Variants in CTNNA3 observed in about 807,000 individuals in gnomAD.
CTNNA3 encodes the protein catenin alpha-3.
In CTNNA3, 76 loss-of-function variants were observed where a neutral mutation model predicts 95.7. The observed-to-expected ratio is 0.79, with a 90% CI of 0.66 to 0.96. CTNNA3 has a LOEUF of 0.96. Ranked by LOEUF, CTNNA3 falls within the 40% of genes least tolerant of loss-of-function variation. CTNNA3 has a pLI of 0.00. For synonymous variants in CTNNA3, 431 were observed against 374.4 expected (o/e 1.15, Z -1.74); for missense variants, 1,191 against 1,089.8 (o/e 1.09, Z -1.31).
chr10:65,949,119 C>T (rs1277325082), intron 17 of CTNNA3, among the ~76,000 whole-genome samples: 1 of 152,022 alleles, frequency 6.6e-6, no homozygotes, highest in Admixed American at 6.6e-5. Flanking sequence ...CTTGTCTTTT[C>T]TTTCTGGCTG....
intron 7 of CTNNA3, among the ~76,000 whole-genome samples, chr10:67,178,620 A>G (rs1862356531): frequency 6.6e-6 from 1 of 152,114 alleles, no homozygotes; most frequent in Admixed American, 6.6e-5. Flanking sequence ...ATGTATATAT[A>G]TCTGAATTTG....
At chr10:66,958,978 A>G (rs1455973695) in intron 7 of CTNNA3, among the ~76,000 whole-genome samples, 3 of 152,148 alleles carry the variant, frequency 2.0e-5, no homozygotes, top group Non-Finnish European at 4.4e-5. Flanking sequence ...GAGAGAGTGT[A>G]AATGAATTAT....
chr10:66,007,891 C>T (rs573624725), intron 15 of CTNNA3, among the ~76,000 whole-genome samples: 20 of 151,038 alleles, frequency 1.3e-4, no homozygotes, highest in African/African-American at 4.9e-4. Flanking sequence ...GGAAGGTGTG[C>T]GTGCTGTGCT....
At chr10:66,327,437 C>T (rs1051249981) in intron 12 of CTNNA3, among the ~76,000 whole-genome samples, 1 of 151,956 alleles carries the variant, frequency 6.6e-6, no homozygotes, top group Admixed American at 6.6e-5. Flanking sequence ...CCTGAGATTG[C>T]AATTGTTTAT....
At chr10:66,935,277 A>G (rs1166110377) in intron 7 of CTNNA3, among the ~76,000 whole-genome samples, 1 of 152,098 alleles carries the variant, frequency 6.6e-6, no homozygotes, top group African/African-American at 2.4e-5. Context: ...AATGTGTGAC[A>G]AGATTACAAC....
chr10:67,719,320 G>C (rs1841164203), intron 1 of CTNNA3, among the ~76,000 whole-genome samples: 2 of 151,654 alleles, frequency 1.3e-5, no homozygotes, highest in Admixed American at 1.3e-4. Flanking sequence ...TCTGATCTTA[G>C]TTATTTCTTG....
At chr10:66,486,848 A>AC (rs1839745486) in intron 11 of CTNNA3, among the ~76,000 whole-genome samples, 2 of 147,760 alleles carry the variant, frequency 1.4e-5, no homozygotes, top group Admixed American at 1.3e-4. Flanking sequence ...CACACACACA[A>AC]AATGAAATAT....
intron 7 of CTNNA3, among the ~76,000 whole-genome samples, chr10:67,146,788 A>G (rs1419547779): frequency 6.6e-6 from 1 of 152,218 alleles, no homozygotes; most frequent in African/African-American, 2.4e-5. Context: ...GCATGGCATA[A>G]CAGTGTTTTA....
In CTNNA3 at chr10:66,211,987, T is replaced by A. The variant is rs1005337385; in HGVS notation, c.1884+68483A>T. On this transcript the variant is annotated intron_variant, in intron 13 of 17. Coordinates refer to ENST00000433211, the MANE Select transcript of CTNNA3 (RefSeq NM_013266.4). ...CATAGCAACTATTGTTTTTGGGTTT[T>A]TTTTTTTTTTTTTTTTTTTTGAGAC... is the stretch of plus-strand genomic sequence containing the variant. Among the ~76,000 whole-genome samples, 176 of 124,872 alleles carry A rather than the reference T, an allele frequency of 1.4e-3. 2 individuals are homozygous for A. The highest frequency in any genetic ancestry group is 2.0e-3 in the East Asian group (10 of 4,922). The allele number at this position is 124,872 out of a possible 152,430, so 81.9% of individuals were successfully genotyped here.
At chr10:65,992,543 A>G (rs1179085983) in intron 15 of CTNNA3, among the ~76,000 whole-genome samples, 2 of 152,158 alleles carry the variant, frequency 1.3e-5, no homozygotes, top group East Asian at 3.9e-4. Context: ...AACTGTTAAT[A>G]ATAGTGTCTG....
intron 11 of CTNNA3, among the ~76,000 whole-genome samples, chr10:66,491,033 C>T (rs903237549): frequency 6.6e-6 from 1 of 152,174 alleles, no homozygotes; most frequent in African/African-American, 2.4e-5. Flanking sequence ...TGAAATTCCT[C>T]AAAGCCCTTT....
At chr10:67,741,703 C>T (rs919196983) in intron 1 of CTNNA3, among the ~76,000 whole-genome samples, 2 of 151,236 alleles carry the variant, frequency 1.3e-5, no homozygotes, top group South Asian at 4.2e-4. Context: ...TTAAAAGACA[C>T]AGACTGGCAA....
At chr10:67,312,711 A>G (rs1486957669) in intron 5 of CTNNA3, among the ~76,000 whole-genome samples, 1 of 152,188 alleles carries the variant, frequency 6.6e-6, no homozygotes, top group Admixed American at 6.5e-5. Flanking sequence ...GACCGTAACA[A>G]TTTTCTAGGA....
intron 3 of CTNNA3, among the ~76,000 whole-genome samples, chr10:67,600,230 T>C (rs1219955515): frequency 6.6e-6 from 1 of 152,124 alleles, no homozygotes; most frequent in African/African-American, 2.4e-5. Context: ...AAAAATTTAT[T>C]CCCAGGTAGA....
chr10:66,137,243 T>C (rs556543523), intron 13 of CTNNA3, among the ~76,000 whole-genome samples: 1 of 152,298 alleles, frequency 6.6e-6, no homozygotes, highest in East Asian at 1.9e-4. Flanking sequence ...GCAATGAGGA[T>C]ACAATATCAG....
At chr10:66,684,790 T>C (rs2132511835) in intron 9 of CTNNA3, among the ~76,000 whole-genome samples, 1 of 152,250 alleles carries the variant, frequency 6.6e-6, no homozygotes, top group Middle Eastern at 3.4e-3. Context: ...TTCTAGAGGC[T>C]ACATATGCTA....
chr10:66,259,238 G>C (rs1019218454), intron 13 of CTNNA3, among the ~76,000 whole-genome samples: 51 of 152,070 alleles, frequency 3.4e-4, no homozygotes, highest in Non-Finnish European at 1.8e-4. Context: ...AGTTTTTCAT[G>C]ATCCTCATTC....
rs1245074421 is a variant in CTNNA3 at position 67,370,067 on chromosome 10, T to C, written c.580-150197A>G. On this transcript the variant is annotated intron_variant, in intron 5 of 17. Coordinates refer to ENST00000433211, the MANE Select transcript of CTNNA3 (RefSeq NM_013266.4). ...ATATGTATGTATGTGTGTATATATA[T>C]AGTTATTACTTACATTATTCTGTGT... is the stretch of plus-strand genomic sequence containing the variant. 5.3e-5 allele frequency among the ~76,000 whole-genome samples: 8 copies of C among 152,310 alleles called. No homozygotes were observed. In the East Asian group the frequency reaches 1.5e-3, roughly 29 times the overall value.
At chr10:65,973,688 A>G (rs1231556382) in intron 16 of CTNNA3, among the ~76,000 whole-genome samples, 1 of 152,074 alleles carries the variant, frequency 6.6e-6, no homozygotes, top group Admixed American at 6.6e-5. Flanking sequence ...GGGAATATTT[A>G]CTCACAGTAG....
Sources: allele counts gnomAD v4.1 joint callset (sites outside exome capture counted in the v4.1 genomes callset), GRCh38; gene constraint gnomAD v4.1.1; transcripts MANE v1.5; gene names NCBI Gene and HGNC (gene_info 2026-07-23, HGNC 2026-07-21).